Variants in PCNX2 observed in about 807,000 individuals in gnomAD.
PCNX2 encodes the protein pecanex-like protein 2.
In PCNX2, 168 loss-of-function variants were observed where a neutral mutation model predicts 223.8. The ratio of observed to expected loss-of-function variants is 0.75; its 90% CI spans 0.66 to 0.85. The LOEUF (loss-of-function observed/expected upper bound fraction) is 0.85. Among genes scored for constraint, PCNX2 ranks in the 40% least tolerant of loss-of-function variants. The pLI, the probability that PCNX2 is intolerant of heterozygous loss-of-function variation, is 0.00. For missense variants in PCNX2, 2,507 were observed against 2,675.5 expected (o/e 0.94, Z 1.39); for synonymous variants, 1,006 against 1,052.6 (o/e 0.96, Z 0.86).
At chr1:233,018,692 A>G (rs765094550) in intron 26 of PCNX2, 2 of 909,690 alleles carry the variant, frequency 2.2e-6, no homozygotes, top group Non-Finnish European at 2.6e-6. Flanking sequence ...CAGTTCCATT[A>G]TAACAGAAAA....
intron 21 of PCNX2, among the ~76,000 whole-genome samples, chr1:233,128,760 C>T (rs1676251870): frequency 6.6e-6 from 1 of 152,134 alleles, no homozygotes; most frequent in African/African-American, 2.4e-5. Flanking sequence ...TTTTACTGTA[C>T]CCTAAAGACC....
intron 9 of PCNX2, among the ~76,000 whole-genome samples, chr1:233,229,090 C>A (rs1382899050): frequency 6.6e-6 from 1 of 152,156 alleles, no homozygotes; most frequent in Non-Finnish European, 1.5e-5. Context: ...AACTTTTTTC[C>A]TAACTTAGGA....
intron 23 of PCNX2, among the ~76,000 whole-genome samples, chr1:233,063,199 G>A (rs975607677): frequency 6.6e-6 from 1 of 152,174 alleles, no homozygotes; most frequent in African/African-American, 2.4e-5. Context: ...TTGTACCACT[G>A]TACTCCAGCC....
At chr1:233,264,670 G>A (rs562349369) in intron 1 of PCNX2, among the ~76,000 whole-genome samples, 1 of 152,238 alleles carries the variant, frequency 6.6e-6, no homozygotes, top group South Asian at 2.1e-4. Context: ...AACTATATAA[G>A]ATGATACAAG....
intron 27 of PCNX2, among the ~76,000 whole-genome samples, 173 bp from the exon 28 acceptor site, chr1:233,014,950 T>C (rs961622117): frequency 6.6e-6 from 1 of 152,068 alleles, no homozygotes; most frequent in African/African-American, 2.4e-5. Flanking sequence ...GTTTCTCCTG[T>C]GGTTGGACAC....
Position 233,258,252 on chromosome 1 carries a change from G to C in PCNX2, c.1610C>G (p.Thr537Arg). The C allele has an allele frequency of 5.6e-6, 9 of 1,613,984 alleles. No homozygotes were observed. The highest frequency in any genetic ancestry group is 7.6e-6 in the Non-Finnish European group (9 of 1,179,886). ...AGAACTTTTACTCAAGAAGACATCT[G>C]TCCCACTGTCCACACTGAGCACCCG... is the stretch of plus-strand genomic sequence containing the variant. ...HARVLSVDSGTDVFLSKSSAE... is the reference protein window; with the variant it reads ...HARVLSVDSGRDVFLSKSSAE... The change falls in exon 5 of 34, where the codon ACA (threonine) becomes AGA (arginine). Residue 537 changes from threonine (T) to arginine (R), a missense_variant. Coordinates refer to ENST00000258229, the MANE Select transcript of PCNX2 (RefSeq NM_014801.4).
intron 20 of PCNX2, among the ~76,000 whole-genome samples, chr1:233,138,633 G>A (rs949029561): frequency 9.2e-5 from 14 of 152,130 alleles, no homozygotes; most frequent in Non-Finnish European, 1.9e-4. Flanking sequence ...ACTGTATAAG[G>A]GGTCTGAAGT....
chr1:233,235,957 A>AAAAAAAATATATATATATATATAT (rs369886650), intron 9 of PCNX2, among the ~76,000 whole-genome samples: 12 of 93,088 alleles, frequency 1.3e-4, no homozygotes, highest in African/African-American at 4.3e-4. Flanking sequence ...CATAAAAAAA[A>AAAAAAAATATATATATATATATAT]ATATATATAT....
chr1:233,058,164 A>G (rs1384427773), intron 23 of PCNX2: 45 of 599,110 alleles, frequency 7.5e-5, no homozygotes, highest in Non-Finnish European at 9.2e-5. Flanking sequence ...CAGCCAGTCC[A>G]TGACAACCCC....
chr1:233,189,982 T>C (rs1000246876), intron 15 of PCNX2, among the ~76,000 whole-genome samples: 1 of 152,168 alleles, frequency 6.6e-6, no homozygotes, highest in African/African-American at 2.4e-5. Flanking sequence ...TCAAAGAGAA[T>C]ATGAAATTAA....
intron 17 of PCNX2, among the ~76,000 whole-genome samples, chr1:233,177,577 A>T (rs918221065): frequency 6.6e-6 from 1 of 152,174 alleles, no homozygotes; most frequent in Admixed American, 6.5e-5. Context: ...GAGTAAGTTA[A>T]ATTTACTTTC....
At chr1:233,213,201 T>G (rs1386297028) in intron 12 of PCNX2, among the ~76,000 whole-genome samples, 1 of 152,196 alleles carries the variant, frequency 6.6e-6, no homozygotes, top group African/African-American at 2.4e-5. Context: ...CTATATATTT[T>G]TTTAAGTTTG....
At chr1:233,114,975 C>A (rs1454860119) in intron 21 of PCNX2, among the ~76,000 whole-genome samples, 1 of 152,008 alleles carries the variant, frequency 6.6e-6, no homozygotes, top group African/African-American at 2.4e-5. Context: ...GAAGATTAAA[C>A]AATGCAAAAC....
chr1:232,986,191 G>C lies in PCNX2; in HGVS notation c.6141C>G (p.Leu2047=). 6.4e-7 allele frequency: 1 copy of C among 1,561,254 alleles called. No homozygotes were observed. The highest frequency in any genetic ancestry group is 8.7e-7 in the Non-Finnish European group (1 of 1,152,032). The change falls in exon 33 of 34, where the codon CTC becomes CTG. Residue 2047 remains leucine, a synonymous_variant. Transcript: ENST00000258229. ...TGGTATTGCCCCCCTCCGCAGCAGA[G>C]AGTCCGGAAATGACGAGCGCGCTGG... The part of the protein sequence containing the change: ...SFSSALVISG[L]SAAEGGNTSD...
Position 232,986,167 on chromosome 1 carries a change from G to T in PCNX2, c.6165C>A (p.Thr2055=). 1 of 1,567,244 alleles carries T rather than the reference G, an allele frequency of 6.4e-7. No individual in the cohort carries two copies. Among genetic ancestry groups the T allele is most frequent in the Non-Finnish European group, 8.7e-7 (1 of 1,155,312 alleles). The change falls in exon 33 of 34, where the codon ACC becomes ACA. Residue 2055 remains threonine, a synonymous_variant. Transcript: ENST00000258229. The stretch of plus-strand genomic sequence containing the variant: ...CGCTGCTGGATGACTGGGTGTCACT[G>T]GTATTGCCCCCCTCCGCAGCAGAGA... ...SGLSAAEGGN[T]SDTQSSSSVN... is the part of the protein sequence containing the mutation.
intron 23 of PCNX2, among the ~76,000 whole-genome samples, chr1:233,083,487 A>C (rs1344956493): frequency 6.6e-6 from 1 of 152,210 alleles, no homozygotes; most frequent in Non-Finnish European, 1.5e-5. Flanking sequence ...CTCCACCAGC[A>C]GCGAGAAGAG....
intron 32 of PCNX2, 144 bp from the exon 33 acceptor site, chr1:232,986,684 G>T: frequency 1.3e-6 from 1 of 772,760 alleles, no homozygotes; most frequent in Non-Finnish European, 1.9e-6. Flanking sequence ...AGAGCTGGAA[G>T]CCTGACCACT....
intron 21 of PCNX2, among the ~76,000 whole-genome samples, chr1:233,121,859 A>G (rs923729606): frequency 1.3e-5 from 2 of 152,208 alleles, no homozygotes; most frequent in African/African-American, 4.8e-5. Context: ...GTATATACAG[A>G]TGATATACAC....
the PCNX2 span, among the ~76,000 whole-genome samples, chr1:233,325,065 C>T: frequency 1.3e-5 from 2 of 152,180 alleles, no homozygotes; most frequent in Non-Finnish European, 2.9e-5. Context: ...TTCAGTAACC[C>T]ATGGATTACA....
Sources: gnomAD v4.1 joint callset for allele counts (sites outside exome capture counted in the v4.1 genomes callset) on GRCh38, gnomAD v4.1.1 for gene constraint, MANE v1.5 for transcripts, NCBI Gene and HGNC (gene_info 2026-07-23, HGNC 2026-07-21) for gene names.